Variants in MSRA observed in about 807,000 individuals in gnomAD.
MSRA encodes the protein methionine sulfoxide reductase A.
MSRA carries 54 observed loss-of-function variants against 31.3 expected under a neutral mutation model. The ratio of observed to expected loss-of-function variants is 1.73; its 90% CI spans 1.39 to 2.17. The LOEUF is 2.17. Among genes scored for constraint, MSRA ranks in the 30% most tolerant of loss-of-function variants. MSRA has a pLI of 0.00. For missense variants in MSRA, 507 were observed against 300.9 expected (o/e 1.69, Z -5.07); for synonymous variants, 169 against 116.5 (o/e 1.45, Z -2.90).
intron 3 of MSRA, among the ~76,000 whole-genome samples, chr8:10,254,723 G>C (rs74412294): frequency 1.3e-5 from 2 of 152,208 alleles, no homozygotes; most frequent in Non-Finnish European, 2.9e-5. Flanking sequence ...CAGGGTTTAT[G>C]TTTAAGACTG....
intron 1 of MSRA, among the ~76,000 whole-genome samples, chr8:10,193,353 G>T (rs1213102306): frequency 1.3e-5 from 2 of 152,218 alleles, no homozygotes; most frequent in Admixed American, 6.5e-5. Flanking sequence ...AGTGGGTTCA[G>T]TGTGAGGCCG....
Position 10,150,138 on chromosome 8 carries a change from C to G in MSRA, c.143-57695C>G, listed in dbSNP as rs192847698. ...AGCTGACTGAAAATGCAGAGAAGTT[C>G]TAAGGGGGTAATCGGCAGTGAGGGA... is the stretch of plus-strand genomic sequence containing the variant. On this transcript the variant is annotated intron_variant, in intron 1 of 5. Coordinates refer to ENST00000317173, the MANE Select transcript of MSRA (RefSeq NM_012331.5). Among the ~76,000 whole-genome samples, 40 of 151,990 alleles carry G rather than the reference C, an allele frequency of 2.6e-4. No individual in the cohort carries two copies. The East Asian group carries it at 4.7e-3, about 18-fold the overall frequency.
chr8:10,130,528 C>G (rs1801821718), intron 1 of MSRA, among the ~76,000 whole-genome samples: 1 of 152,164 alleles, frequency 6.6e-6, no homozygotes, highest in Non-Finnish European at 1.5e-5. Context: ...CTCCGACATT[C>G]TTTCACTGGG....
At chr8:10,331,410 C>T (rs1011241186) in intron 5 of MSRA, among the ~76,000 whole-genome samples, 5 of 152,182 alleles carry the variant, frequency 3.3e-5, no homozygotes, top group Non-Finnish European at 5.9e-5. Context: ...GAATGTTGTA[C>T]GGCTTTTCGG....
chr8:10,215,782 G>T (rs1260542563), intron 2 of MSRA, among the ~76,000 whole-genome samples: 1 of 152,150 alleles, frequency 6.6e-6, no homozygotes, highest in Non-Finnish European at 1.5e-5. Flanking sequence ...AAGCTAATCA[G>T]ATGTGGCTAA....
chr8:10,276,922 TG>T (rs1354132564), intron 3 of MSRA, among the ~76,000 whole-genome samples: 2 of 152,230 alleles, frequency 1.3e-5, no homozygotes, highest in African/African-American at 4.8e-5. Context: ...TGGTGAAATC[TG>T]GAAGAAATAT....
intron 1 of MSRA, among the ~76,000 whole-genome samples, chr8:10,078,395 G>A (rs1389414294): frequency 6.6e-6 from 1 of 152,238 alleles, no homozygotes; most frequent in Non-Finnish European, 1.5e-5. Context: ...TGTGATGGAG[G>A]TGGGTCCTGT....
chr8:10,410,761 G>A lies in MSRA; in HGVS notation c.544-17387G>A, dbSNP rs531061474. Among the ~76,000 whole-genome samples, 29 of 152,304 alleles carry A rather than the reference G, an allele frequency of 1.9e-4. No homozygotes were observed. The South Asian group carries it at 2.9e-3, about 15-fold the overall frequency. On this transcript the variant is annotated intron_variant, in intron 5 of 5. Transcript: ENST00000317173. The stretch of plus-strand genomic sequence containing the variant: ...AGAGATGCACAGTGCTGCTTTCAGT[G>A]TAGAGTGCCATTTTTGTAACTCCAG...
At chr8:10,339,133 G>A (rs1488269275) in intron 5 of MSRA, among the ~76,000 whole-genome samples, 1 of 152,144 alleles carries the variant, frequency 6.6e-6, no homozygotes, top group Non-Finnish European at 1.5e-5. Flanking sequence ...AATTTTCATT[G>A]ATCTCCTCTC....
At chr8:10,260,024 C>G (rs368592572) in intron 3 of MSRA, among the ~76,000 whole-genome samples, 3 of 152,220 alleles carry the variant, frequency 2.0e-5, no homozygotes, top group African/African-American at 7.2e-5. Flanking sequence ...GAGAATGCAT[C>G]AGAGGGAGCA....
intron 5 of MSRA, among the ~76,000 whole-genome samples, chr8:10,425,247 AC>A (rs1809075999): frequency 6.6e-6 from 1 of 152,132 alleles, no homozygotes; most frequent in Non-Finnish European, 1.5e-5. Context: ...ACCCGACAGG[AC>A]CCGTCCATGA....
intron 3 of MSRA, among the ~76,000 whole-genome samples, chr8:10,291,325 C>T (rs1437024569): frequency 6.6e-6 from 1 of 152,058 alleles, no homozygotes; most frequent in Non-Finnish European, 1.5e-5. Flanking sequence ...CACAATTGCT[C>T]CACCAGTATT....
intron 1 of MSRA, among the ~76,000 whole-genome samples, chr8:10,171,212 G>GT: frequency 6.6e-6 from 1 of 152,314 alleles, no homozygotes; most frequent in Non-Finnish European, 1.5e-5. Context: ...AATGCTGCTG[G>GT]TTGGGAGTGA....
intron 1 of MSRA, among the ~76,000 whole-genome samples, chr8:10,195,314 C>T (rs1807874349): frequency 6.6e-6 from 1 of 152,214 alleles, no homozygotes; most frequent in Non-Finnish European, 1.5e-5. Context: ...AATCTCGGCT[C>T]ATTGCAATCT....
chr8:10,109,103 C>G (rs886172740), intron 1 of MSRA, among the ~76,000 whole-genome samples: 1 of 152,130 alleles, frequency 6.6e-6, no homozygotes, highest in Non-Finnish European at 1.5e-5. Flanking sequence ...GTTTCTTCCT[C>G]TTGGCATTAA....
At chr8:10,149,775 C>G (rs1488763231) in intron 1 of MSRA, among the ~76,000 whole-genome samples, 2 of 45,582 alleles carry the variant, frequency 4.4e-5, no homozygotes, top group African/African-American at 6.4e-5. Context: ...GCAGAAACCA[C>G]AAAGGTGGTA....
intron 3 of MSRA, among the ~76,000 whole-genome samples, chr8:10,290,273 A>G (rs751253565): frequency 6.6e-6 from 1 of 152,200 alleles, no homozygotes; most frequent in African/African-American, 2.4e-5. Flanking sequence ...TAATAAAGGC[A>G]TGGATTTCTA....
At chr8:10,230,170 G>T (rs1811344801) in intron 2 of MSRA, among the ~76,000 whole-genome samples, 1 of 152,380 alleles carries the variant, frequency 6.6e-6, no homozygotes, top group East Asian at 1.9e-4. Flanking sequence ...AGAGTTCTCT[G>T]CAGAGAGGGG....
intron 1 of MSRA, among the ~76,000 whole-genome samples, chr8:10,136,668 T>C (rs1007719330): frequency 1.3e-5 from 2 of 152,214 alleles, no homozygotes; most frequent in African/African-American, 4.8e-5. Flanking sequence ...GATGCAGGCC[T>C]TCCAGAAGCT....
Sources: gnomAD v4.1 joint callset for allele counts (sites outside exome capture counted in the v4.1 genomes callset) on GRCh38, gnomAD v4.1.1 for gene constraint, MANE v1.5 for transcripts, NCBI Gene and HGNC (gene_info 2026-07-23, HGNC 2026-07-21) for gene names.